Variants in TULP4 observed in about 807,000 individuals in gnomAD.
The protein encoded by TULP4 is tubby-related protein 4.
A neutral mutation model predicts 129.0 loss-of-function variants in TULP4; 16 were observed. The ratio of observed to expected loss-of-function variants is 0.12; its 90% CI spans 0.08 to 0.19. The LOEUF (loss-of-function observed/expected upper bound fraction) is 0.19, where lower values mean the gene tolerates loss of function less well. Ranked by LOEUF, TULP4 falls within the 10% of genes least tolerant of loss-of-function variation. The pLI, the probability that TULP4 is intolerant of heterozygous loss-of-function variation, is 1.00. For synonymous variants in TULP4, 998 were observed against 854.0 expected (o/e 1.17, Z -2.94); for missense variants, 1,842 against 2,059.1 (o/e 0.89, Z 2.04).
chr6:158,305,278 AG>A (rs1392613397), intron 1 of TULP4, among the ~76,000 whole-genome samples: 9 of 151,904 alleles, frequency 5.9e-5, no homozygotes, highest in African/African-American at 2.2e-4. Flanking sequence ...AGCATGTACC[AG>A]AATTACTCTC....
chr6:158,424,513 G>T (rs1043154860), intron 2 of TULP4, among the ~76,000 whole-genome samples: 1 of 152,156 alleles, frequency 6.6e-6, no homozygotes, highest in African/African-American at 2.4e-5. Context: ...GCCTCCCAAA[G>T]TGCTGGGATT....
intron 3 of TULP4, among the ~76,000 whole-genome samples, chr6:158,443,954 T>G (rs1044545026): frequency 6.6e-6 from 1 of 152,064 alleles, no homozygotes; most frequent in African/African-American, 2.4e-5. Flanking sequence ...GTGCGGTGGC[T>G]CACGCCTGTA....
At chr6:158,399,705 TTTTTG>T (rs776091567) in intron 1 of TULP4, among the ~76,000 whole-genome samples, 8 of 152,180 alleles carry the variant, frequency 5.3e-5, no homozygotes, top group South Asian at 2.1e-4. Context: ...TGCCAGACAG[TTTTTG>T]TTTTATTTCT....
At chr6:158,358,839 A>G (rs560502442) in intron 1 of TULP4, among the ~76,000 whole-genome samples, 1 of 152,318 alleles carries the variant, frequency 6.6e-6, no homozygotes, top group South Asian at 2.1e-4. Context: ...TTTCCTGACT[A>G]AAGAACAGGA....
chr6:158,404,767 T>G (rs1777937947), intron 1 of TULP4, among the ~76,000 whole-genome samples: 1 of 68,910 alleles, frequency 1.5e-5, no homozygotes, highest in Non-Finnish European at 2.7e-5. Flanking sequence ...CAGAGGAGAC[T>G]CTGTCTCAAA....
chr6:158,236,795 C>CTTTTCTTT lies in TULP4; in HGVS notation n.68+4496_68+4497insCTTTTTTT, dbSNP rs1554272522. 1.5e-3 allele frequency among the ~76,000 whole-genome samples: 97 copies of CTTTTCTTT among 63,302 alleles called. 16 individuals are homozygous for CTTTTCTTT. Among genetic ancestry groups the CTTTTCTTT allele is most frequent in the Middle Eastern group, 0.011 (1 of 92 alleles). The allele number at this position is 63,302 out of a possible 152,430, so 41.5% of individuals were successfully genotyped here. A position where few individuals can be genotyped will look rare whatever the true frequency, so the allele number is the denominator to read the frequency against. On this transcript the variant is annotated intron_variant and non_coding_transcript_variant, in intron 1 of 1. Transcript: ENST00000620026. ...AGATGGGTAAATGCCCAATTCTTTT[C>CTTTTCTTT]TTTTTTTTTTTTTTTTTTTTTTTTT...
intron 1 of TULP4, among the ~76,000 whole-genome samples, chr6:158,268,961 T>C (rs1230290820): frequency 6.6e-6 from 1 of 152,224 alleles, no homozygotes; most frequent in East Asian, 1.9e-4. Flanking sequence ...CCAAATTGCT[T>C]TTTGGAAAGC....
intron 11 of TULP4, among the ~76,000 whole-genome samples, chr6:158,498,415 A>G (rs555797051): frequency 6.6e-6 from 1 of 152,370 alleles, no homozygotes; most frequent in East Asian, 1.9e-4. Flanking sequence ...GTAGTTCTGT[A>G]GACAAACCAT....
intron 1 of TULP4, among the ~76,000 whole-genome samples, chr6:158,343,920 C>T (rs374592889): frequency 9.2e-5 from 14 of 152,150 alleles, no homozygotes; most frequent in Admixed American, 2.0e-4. Flanking sequence ...GCCATCATAT[C>T]CCCTGTGACC....
chr6:158,370,211 C>G (rs1777040885), intron 1 of TULP4, among the ~76,000 whole-genome samples: 1 of 151,984 alleles, frequency 6.6e-6, no homozygotes, highest in Admixed American at 6.6e-5. Context: ...AATCCCAGCA[C>G]TTTGGGAGGC....
chr6:158,302,843 C>T (rs1779154242), intron 1 of TULP4, among the ~76,000 whole-genome samples: 1 of 151,862 alleles, frequency 6.6e-6, no homozygotes, highest in Non-Finnish European at 1.5e-5. Flanking sequence ...CAAATCTCTA[C>T]CCCAAATATT....
chr6:158,249,687 A>G (rs1320307950), intron 1 of TULP4, among the ~76,000 whole-genome samples: 1 of 152,278 alleles, frequency 6.6e-6, no homozygotes, highest in African/African-American at 2.4e-5. Flanking sequence ...AAGTCCTGAT[A>G]GGAACTCCAC....
At chr6:158,385,178 T>C (rs1562544368) in intron 1 of TULP4, among the ~76,000 whole-genome samples, 1 of 152,136 alleles carries the variant, frequency 6.6e-6, no homozygotes, top group Non-Finnish European at 1.5e-5. Flanking sequence ...CCTATTGGCT[T>C]TCTCCCTCCA....
At chr6:158,273,446 C>T (rs1307585264) in intron 1 of TULP4, among the ~76,000 whole-genome samples, 1 of 152,208 alleles carries the variant, frequency 6.6e-6, no homozygotes, top group Non-Finnish European at 1.5e-5. Context: ...GTAGTTAAAA[C>T]TGACCTTTAT....
chr6:158,494,004 C>G (rs985096567), intron 10 of TULP4, among the ~76,000 whole-genome samples: 4 of 152,194 alleles, frequency 2.6e-5, no homozygotes, highest in African/African-American at 9.6e-5. Context: ...CCCTCCTGGT[C>G]CCTCAGTGCC....
chr6:158,340,256 A>G (rs984734229), intron 1 of TULP4, among the ~76,000 whole-genome samples: 1 of 152,244 alleles, frequency 6.6e-6, no homozygotes, highest in Non-Finnish European at 1.5e-5. Context: ...AGCCATTAAA[A>G]TGAACCTGAA....
chr6:158,464,505 G>A lies in TULP4; in HGVS notation c.1026+2776G>A, dbSNP rs368083745. Among the ~76,000 whole-genome samples the A allele has an allele frequency of 2.6e-5, 4 of 152,180 alleles. No homozygotes were observed. The South Asian group carries it at 6.2e-4, about 24-fold the overall frequency. On this transcript the variant is annotated intron_variant, in intron 6 of 13. Coordinates refer to ENST00000367097, the MANE Select transcript of TULP4 (RefSeq NM_020245.5). Reference sequence around the variant, plus strand: ...GCTGCAACACCCCCCGCCGCAAGACGGAGGTCTTGCCCTGTCCCACAGGCT... The same window carrying A: ...GCTGCAACACCCCCCGCCGCAAGACAGAGGTCTTGCCCTGTCCCACAGGCT...
intron 1 of TULP4, among the ~76,000 whole-genome samples, chr6:158,244,401 T>C (rs962895922): frequency 6.6e-6 from 1 of 152,012 alleles, no homozygotes; most frequent in Non-Finnish European, 1.5e-5. Flanking sequence ...GTGGACTGAG[T>C]GTTTGAGTCC....
intron 1 of TULP4, among the ~76,000 whole-genome samples, chr6:158,298,199 A>T (rs960527510): frequency 6.6e-6 from 1 of 152,136 alleles, no homozygotes; most frequent in Non-Finnish European, 1.5e-5. Context: ...GTTCTTTTTC[A>T]AGGTGCACTG....
Sources: allele counts gnomAD v4.1 joint callset (sites outside exome capture counted in the v4.1 genomes callset), GRCh38; gene constraint gnomAD v4.1.1; transcripts MANE v1.5; gene names NCBI Gene and HGNC (gene_info 2026-07-23, HGNC 2026-07-21).